KCNH7: variants seen among roughly 807,000 people sequenced by gnomAD.
The protein encoded by KCNH7 is voltage-gated inwardly rectifying potassium channel KCNH7.
A neutral mutation model predicts 120.8 loss-of-function variants in KCNH7; 49 were observed. That is an observed-to-expected ratio of 0.41 (90% CI 0.32 to 0.51). The LOEUF is 0.51. KCNH7 is among the 20% of genes least tolerant of loss of function. KCNH7 has a pLI of 0.38. For synonymous variants in KCNH7, 547 were observed against 516.1 expected, an observed-to-expected ratio of 1.06 and a Z score of -0.81; for missense variants, 1,097 against 1,446.6, an observed-to-expected ratio of 0.76 and a Z score of 3.92.
intron 2 of KCNH7, among the ~76,000 whole-genome samples, chr2:162,637,387 T>C (rs933890110): frequency 1.3e-5 from 2 of 152,114 alleles, no homozygotes; most frequent in African/African-American, 4.8e-5. Context: ...ACATACCCGA[T>C]AGTTCCAAGT....
chr2:162,421,734 G>A (rs1687713605), intron 9 of KCNH7, among the ~76,000 whole-genome samples: 1 of 152,100 alleles, frequency 6.6e-6, no homozygotes. Flanking sequence ...CATATTCATA[G>A]GTAATAGAGT....
intron 12 of KCNH7, among the ~76,000 whole-genome samples, chr2:162,392,440 C>T (rs1686772845): frequency 6.6e-6 from 1 of 151,670 alleles, no homozygotes; most frequent in African/African-American, 2.4e-5. Context: ...AGTAGATGAT[C>T]TCTTCTAGAA....
chr2:162,513,354 C>CGTCT (rs1374200368), intron 4 of KCNH7, among the ~76,000 whole-genome samples: 1 of 72,896 alleles, frequency 1.4e-5, no homozygotes, highest in East Asian at 4.4e-4. Flanking sequence ...TCCTTCCCTC[C>CGTCT]TTCTTTCCTT....
chr2:162,706,011 T>A (rs2105350228), intron 2 of KCNH7, among the ~76,000 whole-genome samples: 1 of 152,258 alleles, frequency 6.6e-6, no homozygotes, highest in African/African-American at 2.4e-5. Context: ...AAGTTCCTGA[T>A]GTTTCAGATG....
intron 2 of KCNH7, among the ~76,000 whole-genome samples, chr2:162,798,357 C>G (rs998535269): frequency 4.4e-4 from 67 of 151,922 alleles, no homozygotes; most frequent in African/African-American, 1.6e-3. Context: ...AAATATTTGC[C>G]ACATCTTTGA....
intron 6 of KCNH7, among the ~76,000 whole-genome samples, chr2:162,482,470 A>T (rs1475746281): frequency 6.6e-6 from 1 of 152,092 alleles, no homozygotes; most frequent in East Asian, 1.9e-4. Context: ...AGGAAGATAA[A>T]CAGCTGATTC....
At chr2:162,732,980 T>A (rs1294039586) in intron 2 of KCNH7, among the ~76,000 whole-genome samples, 1 of 152,200 alleles carries the variant, frequency 6.6e-6, no homozygotes, top group Non-Finnish European at 1.5e-5. Flanking sequence ...TATATAAAAT[T>A]CCAGATTCAG....
intron 2 of KCNH7, among the ~76,000 whole-genome samples, chr2:162,798,342 T>C (rs1007383918): frequency 5.9e-5 from 9 of 152,058 alleles, no homozygotes; most frequent in Non-Finnish European, 1.2e-4. Flanking sequence ...AAAATTCATA[T>C]AAGAAAATAT....
intron 2 of KCNH7, among the ~76,000 whole-genome samples, chr2:162,690,803 G>A (rs1268257342): frequency 6.6e-6 from 1 of 152,150 alleles, no homozygotes; most frequent in East Asian, 1.9e-4. Flanking sequence ...TTTAGGGAGA[G>A]AAAACTTGCA....
At chr2:162,750,756 A>C (rs1423022577) in intron 2 of KCNH7, among the ~76,000 whole-genome samples, 1 of 152,116 alleles carries the variant, frequency 6.6e-6, no homozygotes, top group East Asian at 1.9e-4. Flanking sequence ...TTTTGGGTGC[A>C]TGGAAGAATG....
intron 6 of KCNH7, among the ~76,000 whole-genome samples, chr2:162,488,409 C>G (rs919625837): frequency 7.2e-5 from 11 of 152,044 alleles, no homozygotes; most frequent in African/African-American, 2.7e-4. Flanking sequence ...ATTGAACATG[C>G]CTCAGATACA....
chr2:162,408,953 A>G (rs1294790389), intron 9 of KCNH7, among the ~76,000 whole-genome samples: 1 of 152,030 alleles, frequency 6.6e-6, no homozygotes, highest in African/African-American at 2.4e-5. Flanking sequence ...GTAGAACCAC[A>G]GAAAAACTTG....
rs758411906 is a variant in KCNH7 at position 162,384,810 on chromosome 2, G to A, written c.2840C>T (p.Pro947Leu). ...FISSIDDEQKPLFSGIVDSSP... is the reference protein window; with the variant it reads ...FISSIDDEQKLLFSGIVDSSP... The stretch of plus-strand genomic sequence containing the variant: ...AGAGTCTACTATTCCTGAGAAGAGC[G>A]GCTTTTGTTCATCATCAATGGAGGA... The change falls in exon 13 of 16, where the codon CCG becomes CTG. Residue 947 changes from proline to leucine, a missense_variant. By Grantham distance (98) the Pro-to-Leu change is moderately conservative. Around this residue, in one of 8 missense-constraint regions of KCNH7, gnomAD observed 406 missense variants for 410.5 expected, o/e 0.99. Coordinates refer to ENST00000332142, the MANE Select transcript of KCNH7 (RefSeq NM_033272.4). 10 of 1,612,810 alleles carry A rather than the reference G, an allele frequency of 6.2e-6. No homozygotes were observed. The South Asian group carries it at 6.6e-5, about 11-fold the overall frequency.
intron 2 of KCNH7, among the ~76,000 whole-genome samples, chr2:162,591,860 A>G (rs903487853): frequency 3.3e-5 from 5 of 152,072 alleles, no homozygotes; most frequent in Non-Finnish European, 5.9e-5. Flanking sequence ...TCTTCCTGTT[A>G]GCACTTCCTT....
At chr2:162,443,310 T>C (rs1688484068) in intron 7 of KCNH7, among the ~76,000 whole-genome samples, 2 of 152,204 alleles carry the variant, frequency 1.3e-5, no homozygotes, top group Non-Finnish European at 2.9e-5. Flanking sequence ...ATGTCACCTG[T>C]AGTTCAATAA....
chr2:162,381,392 C>A (rs1323589263), intron 13 of KCNH7, among the ~76,000 whole-genome samples: 1 of 152,064 alleles, frequency 6.6e-6, no homozygotes, highest in Non-Finnish European at 1.5e-5. Context: ...AAAGTTCCTT[C>A]CTTTCCTGCA....
At chr2:162,736,081 G>T (rs932309147) in intron 2 of KCNH7, among the ~76,000 whole-genome samples, 1 of 150,478 alleles carries the variant, frequency 6.6e-6, no homozygotes, top group Admixed American at 6.6e-5. Flanking sequence ...ATCAGTGAAT[G>T]CTTTTCCTGT....
intron 2 of KCNH7, among the ~76,000 whole-genome samples, chr2:162,628,181 GA>G (rs2105210917): frequency 6.6e-6 from 1 of 152,188 alleles, no homozygotes; most frequent in East Asian, 1.9e-4. Flanking sequence ...TGGTACTGGA[GA>G]AAGATAATTC....
chr2:162,572,160 T>TCAGAATCCAG (rs1459456205), intron 2 of KCNH7, among the ~76,000 whole-genome samples: 1 of 152,048 alleles, frequency 6.6e-6, no homozygotes, highest in Non-Finnish European at 1.5e-5. Flanking sequence ...GACAAAGGGC[T>TCAGAATCCAG]AATATCCAGA....
Sources: allele counts gnomAD v4.1 joint callset (sites outside exome capture counted in the v4.1 genomes callset), GRCh38; gene constraint gnomAD v4.1.1; regional missense constraint gnomAD v4.1.1; transcripts MANE v1.5; gene names NCBI Gene and HGNC (gene_info 2026-07-23, HGNC 2026-07-21).